DIS3L2: variants seen among roughly 807,000 people sequenced by gnomAD.
The protein encoded by DIS3L2 is DIS3 like 3'-5' exoribonuclease 2, also known as DIS3-like exonuclease 2.
DIS3L2 carries 34 observed loss-of-function variants against 97.5 expected under a neutral mutation model. That is an observed-to-expected ratio of 0.35 (90% CI 0.27 to 0.46). The LOEUF is 0.46. Among genes scored for constraint, DIS3L2 ranks in the 20% least tolerant of loss-of-function variants. The pLI is 1.00. For missense variants in DIS3L2, 1,038 were observed against 1,146.0 expected, an observed-to-expected ratio of 0.91 and a Z score of 1.36; for synonymous variants, 435 against 445.2, an observed-to-expected ratio of 0.98 and a Z score of 0.29.
At chr2:232,181,811 T>C (rs1350235044) in intron 9 of DIS3L2, among the ~76,000 whole-genome samples, 1 of 129,926 alleles carries the variant, frequency 7.7e-6, no homozygotes, top group Non-Finnish European at 1.5e-5. Context: ...TAATTTTTGT[T>C]TGTTTGTTTG....
chr2:232,088,967 C>G (rs1017559869), intron 6 of DIS3L2, among the ~76,000 whole-genome samples: 1 of 152,184 alleles, frequency 6.6e-6, no homozygotes, highest in Non-Finnish European at 1.5e-5. Context: ...GAAGAAGTTT[C>G]TGGCACAGTT....
chr2:231,987,316 G>A (rs574850012), intron 1 of DIS3L2, among the ~76,000 whole-genome samples: 4 of 152,298 alleles, frequency 2.6e-5, no homozygotes, highest in South Asian at 2.1e-4. Flanking sequence ...TTCTTTTAAC[G>A]TCACTACCAT....
chr2:232,025,446 C>G (rs1217495308), intron 4 of DIS3L2, among the ~76,000 whole-genome samples: 1 of 152,140 alleles, frequency 6.6e-6, no homozygotes, highest in African/African-American at 2.4e-5. Flanking sequence ...CCCCTGCCTT[C>G]TGAAATCCAG....
chr2:232,091,871 A>G (rs896000464), intron 6 of DIS3L2, among the ~76,000 whole-genome samples: 4 of 152,122 alleles, frequency 2.6e-5, no homozygotes, highest in African/African-American at 9.7e-5. Flanking sequence ...ATCTCATTGC[A>G]GTTTTGACTT....
chr2:232,327,806 C>T (rs1267723536), intron 14 of DIS3L2, among the ~76,000 whole-genome samples: 1 of 152,202 alleles, frequency 6.6e-6, no homozygotes, highest in East Asian at 1.9e-4. Context: ...GGTGGGGCAA[C>T]AGGAGAACAG....
rs1367047677 is a variant in DIS3L2, at chr2:232,327,102, C to A, written c.1740-2711C>A. Among the ~76,000 whole-genome samples the A allele has an allele frequency of 5.9e-5, 9 of 152,306 alleles. No individual in the cohort carries two copies. The East Asian group carries it at 1.5e-3, about 26-fold the overall frequency. The stretch of plus-strand genomic sequence containing the variant: ...CGCCTGCAGGAACTGAGAGCAGGAG[C>A]CTGGCTCAGCCCTGAGAGGCCCCCA... On this transcript the variant is annotated intron_variant, in intron 14 of 20. Coordinates refer to ENST00000325385, the MANE Select transcript of DIS3L2 (RefSeq NM_152383.5).
intron 6 of DIS3L2, among the ~76,000 whole-genome samples, chr2:232,126,444 T>G (rs1400407435): frequency 6.6e-6 from 1 of 152,234 alleles, no homozygotes; most frequent in Non-Finnish European, 1.5e-5. Context: ...TCTGTTGTAC[T>G]GCTCTGCAGA....
rs1695871935 is a variant in DIS3L2, at chr2:232,334,392, G to C, written c.2182G>C (p.Ala728Pro). Residue 728 changes from alanine to proline, a missense_variant, in exon 18 of 21, where the codon GCG becomes CCG. By Grantham distance (27) the Ala-to-Pro change is conservative. This residue lies in a region of DIS3L2 where 221 missense variants were observed against 246.9 expected (regional missense o/e 0.90). Transcript: ENST00000325385. ...AGGCTATAGGGAGCGACTAGACATG[G>C]CGCCCGATACCCTGCAGAAACAGGC... is the stretch of plus-strand genomic sequence containing the variant. ...ALGYRERLDM[A>P]PDTLQKQADH... 6.2e-7 allele frequency: 1 copy of C among 1,613,626 alleles called. No individual in the cohort carries two copies. Among genetic ancestry groups the C allele is most frequent in the Non-Finnish European group, 8.5e-7 (1 of 1,179,982 alleles).
intron 8 of DIS3L2, among the ~76,000 whole-genome samples, chr2:232,149,528 C>G (rs1044001506): frequency 1.3e-5 from 2 of 149,586 alleles, no homozygotes; most frequent in African/African-American, 5.0e-5. Context: ...GATATGAACT[C>G]ATCATTTTTA....
intron 9 of DIS3L2, among the ~76,000 whole-genome samples, chr2:232,175,597 G>T (rs1161917932): frequency 6.6e-6 from 1 of 151,672 alleles, no homozygotes; most frequent in Non-Finnish European, 1.5e-5. Context: ...TTTTAGGTTC[G>T]GGGGTACATG....
At chr2:232,291,388 A>G (rs1459474522) in intron 13 of DIS3L2, among the ~76,000 whole-genome samples, 1 of 152,294 alleles carries the variant, frequency 6.6e-6, no homozygotes, top group African/African-American at 2.4e-5. Context: ...GATCTTTTAA[A>G]TTCTGCCATA....
chr2:232,025,153 G>A (rs918950637), intron 4 of DIS3L2, among the ~76,000 whole-genome samples: 3 of 152,110 alleles, frequency 2.0e-5, no homozygotes, highest in Non-Finnish European at 2.9e-5. Context: ...GTTCAGTCAT[G>A]TACTTTATAA....
At chr2:232,274,410 A>T (rs999417202) in intron 13 of DIS3L2, among the ~76,000 whole-genome samples, 1 of 152,218 alleles carries the variant, frequency 6.6e-6, no homozygotes, top group Non-Finnish European at 1.5e-5. Flanking sequence ...GCTACATCAG[A>T]GACGTGGAAT....
chr2:232,333,843 G>T lies in DIS3L2; in HGVS notation c.2014G>T (p.Ala672Ser). Residue 672 changes from alanine (A) to serine (S), a missense_variant, in exon 17 of 21, where the codon GCA becomes TCA. This residue lies in a region of DIS3L2 where 813 missense variants were observed against 880.1 expected (regional missense o/e 0.92). Transcript: ENST00000325385. ...TNMCSRPMQM[A>S]LYFCSGLLQD... ...TCTGACCCATCCCGTCCCGCAGATG[G>T]CACTGTACTTCTGCTCGGGGCTGCT... 6.2e-7 allele frequency: 1 copy of T among 1,610,508 alleles called. No individual in the cohort carries two copies.
At chr2:231,985,023 C>T (rs1477473431) in intron 1 of DIS3L2, among the ~76,000 whole-genome samples, 1 of 152,204 alleles carries the variant, frequency 6.6e-6, no homozygotes, top group African/African-American at 2.4e-5. Context: ...TCTTGTGTAA[C>T]TAAGGTACAG....
intron 11 of DIS3L2, among the ~76,000 whole-genome samples, chr2:232,247,616 C>CGGTGGGGGGG (rs1559173558): frequency 1.5e-4 from 1 of 6,518 alleles, no homozygotes; most frequent in African/African-American, 3.1e-4. Flanking sequence ...ATAACTGCCG[C>CGGTGGGGGGG]GGGGGGGGGG....
intron 6 of DIS3L2, among the ~76,000 whole-genome samples, chr2:232,089,137 T>C (rs1696757694): frequency 6.6e-6 from 1 of 152,222 alleles, no homozygotes; most frequent in Non-Finnish European, 1.5e-5. Context: ...TCTCCATTGC[T>C]GAGGAGGTAG....
intron 8 of DIS3L2, among the ~76,000 whole-genome samples, chr2:232,140,515 G>A (rs924045402): frequency 1.5e-4 from 23 of 152,150 alleles, no homozygotes; most frequent in African/African-American, 5.1e-4. Flanking sequence ...TGAGAACTAA[G>A]GTTCTATGAC....
At chr2:232,245,090 CTG>C (rs1454558495) in intron 11 of DIS3L2, among the ~76,000 whole-genome samples, 1 of 152,166 alleles carries the variant, frequency 6.6e-6, no homozygotes, top group African/African-American at 2.4e-5. Flanking sequence ...CAGGATAAGA[CTG>C]GGGAAAAGGA....
Sources: gnomAD v4.1 joint callset for allele counts (sites outside exome capture counted in the v4.1 genomes callset) on GRCh38, gnomAD v4.1.1 for gene constraint, gnomAD v4.1.1 regional missense constraint, MANE v1.5 for transcripts, NCBI Gene and HGNC (gene_info 2026-07-23, HGNC 2026-07-21) for gene names.